Variants in HSD17B12 observed in about 807,000 individuals in gnomAD.
The protein encoded by HSD17B12 is very-long-chain 3-oxoacyl-CoA reductase.
In HSD17B12, 32 loss-of-function variants were observed where a neutral mutation model predicts 39.3. The ratio of observed to expected loss-of-function variants is 0.81; its 90% CI spans 0.61 to 1.09. The LOEUF (loss-of-function observed/expected upper bound fraction) is 1.09. Among genes scored for constraint, HSD17B12 ranks in the 50% least tolerant of loss-of-function variants. HSD17B12 has a pLI of 0.00. For synonymous variants in HSD17B12, 150 were observed against 146.7 expected, an observed-to-expected ratio of 1.02 and a Z score of -0.16; for missense variants, 342 against 382.9, an observed-to-expected ratio of 0.89 and a Z score of 0.89.
At chr11:43,786,056 C>A (rs565679510) in intron 3 of HSD17B12, among the ~76,000 whole-genome samples, 79 of 152,276 alleles carry the variant, frequency 5.2e-4, no homozygotes, top group Admixed American at 1.8e-3. Flanking sequence ...AATACTGTTG[C>A]TTGTTTTTCT....
chr11:43,788,051 T>C (rs1950832276), intron 3 of HSD17B12, among the ~76,000 whole-genome samples: 1 of 152,218 alleles, frequency 6.6e-6, no homozygotes, highest in Non-Finnish European at 1.5e-5. Flanking sequence ...AGGTACTGTG[T>C]GATATTTGAC....
intron 1 of HSD17B12, among the ~76,000 whole-genome samples, chr11:43,732,752 C>T (rs1159505127): frequency 6.6e-6 from 1 of 152,152 alleles, no homozygotes; most frequent in Non-Finnish European, 1.5e-5. Context: ...ATGTGAGCCA[C>T]TGTGCCCAGT....
intron 9 of HSD17B12, among the ~76,000 whole-genome samples, chr11:43,842,878 C>A (rs1951440128): frequency 6.6e-6 from 1 of 152,204 alleles, no homozygotes; most frequent in Non-Finnish European, 1.5e-5. Flanking sequence ...AACAGACAAT[C>A]AATTTCTAAA....
chr11:43,715,303 A>G lies in HSD17B12; in HGVS notation c.160+34316A>G, dbSNP rs534216990. Among the ~76,000 whole-genome samples the G allele has an allele frequency of 4.3e-3, 660 of 152,250 alleles. 3 individuals carry two copies. The highest frequency in any genetic ancestry group is 0.015 in the African/African-American group (629 of 41,540). On this transcript the variant is annotated intron_variant, in intron 1 of 10. Transcript: ENST00000278353. Reference sequence around the variant, plus strand: ...TATTATTTTGAGATACGTCCCATCAATACCTAATTTATTGAGAGTTTTTAG... The same window carrying G: ...TATTATTTTGAGATACGTCCCATCAGTACCTAATTTATTGAGAGTTTTTAG...
At chr11:43,671,579 C>T in the HSD17B12 span, among the ~76,000 whole-genome samples, 2 of 152,200 alleles carry the variant, frequency 1.3e-5, no homozygotes, top group Non-Finnish European at 2.9e-5. Flanking sequence ...ATTATTAGAT[C>T]TGCTGATGCA....
the HSD17B12 span, among the ~76,000 whole-genome samples, chr11:43,564,455 C>T: frequency 2.2e-4 from 33 of 152,310 alleles, 1 homozygote; most frequent in African/African-American, 7.9e-4. Context: ...TAGCCACTTC[C>T]CCAAAGCTAG....
At chr11:43,777,574 T>C (rs1274055188) in intron 3 of HSD17B12, among the ~76,000 whole-genome samples, 2 of 152,130 alleles carry the variant, frequency 1.3e-5, no homozygotes, top group Admixed American at 6.5e-5. Flanking sequence ...TGACTTCCTG[T>C]TCTCCTAATT....
chr11:43,588,455 A>C, the HSD17B12 span, among the ~76,000 whole-genome samples: 1,651 of 152,226 alleles, frequency 0.011, 32 homozygotes, highest in African/African-American at 0.037. Context: ...AATCCATCTA[A>C]ATATAAACTT....
chr11:43,792,723 A>G (rs1196282596), intron 3 of HSD17B12, among the ~76,000 whole-genome samples: 2 of 107,282 alleles, frequency 1.9e-5, no homozygotes, highest in African/African-American at 7.8e-5. Context: ...GAGTCTTGCT[A>G]TGTTGTCCTG....
chr11:43,752,714 A>C (rs1289995520), intron 2 of HSD17B12, among the ~76,000 whole-genome samples: 3 of 149,198 alleles, frequency 2.0e-5, no homozygotes, highest in Non-Finnish European at 3.0e-5. Context: ...ACTCTGTCTC[A>C]AAAAAAAAAA....
At chr11:43,718,731 C>G (rs1364648820) in intron 1 of HSD17B12, 37 of 1,263,006 alleles carry the variant, frequency 2.9e-5, no homozygotes, top group Admixed American at 1.4e-4. Context: ...GAAGCCAAAG[C>G]AAAGGCTTTA....
the HSD17B12 span, among the ~76,000 whole-genome samples, chr11:43,654,755 A>G: frequency 6.6e-6 from 1 of 152,076 alleles, no homozygotes; most frequent in Non-Finnish European, 1.5e-5. Flanking sequence ...ATTGGTTTAT[A>G]TCTCTGTTTT....
At chr11:43,637,582 C>A in the HSD17B12 span, among the ~76,000 whole-genome samples, 1 of 152,152 alleles carries the variant, frequency 6.6e-6, no homozygotes, top group South Asian at 2.1e-4. Flanking sequence ...TCTATTGGGT[C>A]AGAAACAGGT....
intron 1 of HSD17B12, among the ~76,000 whole-genome samples, chr11:43,741,845 T>C (rs985607914): frequency 6.7e-6 from 1 of 149,822 alleles, no homozygotes; most frequent in Admixed American, 6.6e-5. Context: ...TCCATCCTCC[T>C]GCCTCAGCCT....
At chr11:43,619,245 A>ACT in the HSD17B12 span, among the ~76,000 whole-genome samples, 1 of 70,742 alleles carries the variant, frequency 1.4e-5, no homozygotes, top group Non-Finnish European at 3.0e-5. Flanking sequence ...ATATATATAA[A>ACT]ATATATATAT....
intron 4 of HSD17B12, among the ~76,000 whole-genome samples, chr11:43,809,556 C>T (rs991757904): frequency 2.0e-4 from 30 of 152,314 alleles, no homozygotes; most frequent in African/African-American, 7.0e-4. Context: ...TGATGGCTCA[C>T]ACCTGTAATC....
intron 6 of HSD17B12, among the ~76,000 whole-genome samples, chr11:43,822,321 T>C (rs938229159): frequency 6.6e-6 from 1 of 152,150 alleles, no homozygotes; most frequent in Non-Finnish European, 1.5e-5. Context: ...CTTTTTTAAG[T>C]CAACTTGAGA....
intron 3 of HSD17B12, among the ~76,000 whole-genome samples, chr11:43,795,623 A>G (rs1216268144): frequency 6.6e-6 from 1 of 152,134 alleles, no homozygotes; most frequent in Non-Finnish European, 1.5e-5. Context: ...GAGACATACA[A>G]TCTCTGCCTC....
At chr11:43,684,763 T>G (rs1949782409) in intron 1 of HSD17B12, among the ~76,000 whole-genome samples, 1 of 152,248 alleles carries the variant, frequency 6.6e-6, no homozygotes, top group African/African-American at 2.4e-5. Flanking sequence ...TTTTTACTTA[T>G]GTTCACAGGG....
Sources: gnomAD v4.1 joint callset for allele counts (sites outside exome capture counted in the v4.1 genomes callset) on GRCh38, gnomAD v4.1.1 for gene constraint, MANE v1.5 for transcripts, NCBI Gene and HGNC (gene_info 2026-07-23, HGNC 2026-07-21) for gene names.